Variants in CYP19A1 observed in about 807,000 individuals in gnomAD.
The protein encoded by CYP19A1 is aromatase.
CYP19A1 carries 32 observed loss-of-function variants against 44.4 expected under a neutral mutation model. That is an observed-to-expected ratio of 0.72 (90% CI 0.54 to 0.97). The LOEUF (loss-of-function observed/expected upper bound fraction) is 0.97, where lower values mean the gene tolerates loss of function less well. Among genes scored for constraint, CYP19A1 ranks in the 50% least tolerant of loss-of-function variants. The pLI, the probability that CYP19A1 is intolerant of heterozygous loss-of-function variation, is 0.00. For missense variants in CYP19A1, 598 were observed against 637.8 expected, an observed-to-expected ratio of 0.94 and a Z score of 0.67; for synonymous variants, 212 against 215.6, an observed-to-expected ratio of 0.98 and a Z score of 0.14.
chr15:51,273,326 A>T (rs2035195783), intron 1 of CYP19A1, among the ~76,000 whole-genome samples: 1 of 152,212 alleles, frequency 6.6e-6, no homozygotes, highest in Admixed American at 6.5e-5. Context: ...TGATGTGTTC[A>T]TTTTAACACT....
In CYP19A1 at chr15:51,275,652, G is replaced by A. The variant is rs567416339; in HGVS notation, c.-38-32702C>T. On this transcript the variant is annotated intron_variant, in intron 1 of 9. Coordinates refer to ENST00000396402, the MANE Select transcript of CYP19A1 (RefSeq NM_000103.4). ...GCACGTTGTAAATTGCCCAGTCCTC[G>A]TCAAGCACCTAACTCAAGAGTGACT... Among the ~76,000 whole-genome samples the A allele has an allele frequency of 3.9e-5, 6 of 152,300 alleles. No individual in the cohort carries two copies. The South Asian group carries it at 6.2e-4, about 16-fold the overall frequency.
chr15:51,254,101 A>G (rs7172156), intron 1 of CYP19A1, among the ~76,000 whole-genome samples: 93,971 of 151,954 alleles, frequency 0.62, 29,451 homozygotes, highest in East Asian at 0.68. Flanking sequence ...AGTCGACCCC[A>G]GTTTCTAATT....
At chr15:51,234,515 G>A (rs1406908871) in intron 3 of CYP19A1, among the ~76,000 whole-genome samples, 1 of 152,054 alleles carries the variant, frequency 6.6e-6, no homozygotes, top group Non-Finnish European at 1.5e-5. Flanking sequence ...GACTTTTTCT[G>A]GAGATTTAAG....
chr15:51,252,817 G>A (rs1327640638), intron 1 of CYP19A1, among the ~76,000 whole-genome samples: 3 of 152,196 alleles, frequency 2.0e-5, no homozygotes, highest in Non-Finnish European at 4.4e-5. Context: ...TAGGAATATG[G>A]GGAAATGAGG....
rs776437387 is a variant in CYP19A1 at position 51,222,471 on chromosome 15, T to C, written c.506A>G (p.Lys169Arg). The change falls in exon 5 of 10, where the codon AAA becomes AGA. Residue 169 changes from lysine (K) to arginine (R), a missense_variant. Transcript: ENST00000396402. The stretch of plus-strand genomic sequence containing the variant: ...CTCCTCCAACCTGTCCAGATGTGTT[T>C]TGAGGGATTCAGCACAGACTGTGAC... The part of the protein sequence containing the change: ...RMVTVCAESL[K>R]THLDRLEEVT... The C allele has an allele frequency of 1.7e-5, 28 of 1,613,954 alleles. No individual in the cohort carries two copies. The highest frequency in any genetic ancestry group is 2.4e-5 in the Non-Finnish European group (28 of 1,179,970).
At chr15:51,212,704 CA>C in intron 8 of CYP19A1, 143 bp from the exon 9 acceptor site, 1 of 658,146 alleles carries the variant, frequency 1.5e-6, no homozygotes, top group Non-Finnish European at 2.7e-6. Flanking sequence ...CACCAGCAAC[CA>C]GGGCCAAATA....
intron 1 of CYP19A1, among the ~76,000 whole-genome samples, chr15:51,255,155 G>C (rs1348074477): frequency 6.6e-6 from 1 of 152,148 alleles, no homozygotes; most frequent in Non-Finnish European, 1.5e-5. Flanking sequence ...CAAAGGCCCT[G>C]ATGGTGAGGG....
chr15:51,222,735 G>A (rs1054447180), intron 4 of CYP19A1, among the ~76,000 whole-genome samples: 3 of 152,068 alleles, frequency 2.0e-5, no homozygotes, highest in East Asian at 1.9e-4. Context: ...ATGAATGAAC[G>A]GAAGGAGATA....
intron 1 of CYP19A1, among the ~76,000 whole-genome samples, chr15:51,256,972 C>T (rs77573661): frequency 0.048 from 7,311 of 152,224 alleles, 587 homozygotes; most frequent in African/African-American, 0.17. Context: ...CAATTTATGC[C>T]TGTTGTCCTG....
intron 1 of CYP19A1, among the ~76,000 whole-genome samples, chr15:51,248,484 C>A (rs1004972144): frequency 1.6e-4 from 24 of 152,178 alleles, no homozygotes; most frequent in African/African-American, 5.3e-4. Context: ...AGGATGTTGT[C>A]AAAGACAATA....
chr15:51,236,754 T>C, intron 3 of CYP19A1, 105 bp downstream of exon 3: 2 of 1,360,680 alleles, frequency 1.5e-6, no homozygotes, highest in East Asian at 2.3e-5. Context: ...GGTAAAAATA[T>C]AGCGTTAGAA....
intron 1 of CYP19A1, among the ~76,000 whole-genome samples, chr15:51,290,077 G>A (rs2035807961): frequency 6.6e-6 from 1 of 152,198 alleles, no homozygotes; most frequent in South Asian, 2.1e-4. Flanking sequence ...GCCCCAGTGA[G>A]CCCTCACTTC....
intron 5 of CYP19A1, among the ~76,000 whole-genome samples, chr15:51,218,862 T>G (rs1393377516): frequency 1.3e-5 from 2 of 152,222 alleles, no homozygotes; most frequent in Non-Finnish European, 2.9e-5. Flanking sequence ...CTCCTTGCCA[T>G]CCAAATTGGC....
intron 1 of CYP19A1, among the ~76,000 whole-genome samples, chr15:51,299,980 T>C (rs143189997): frequency 3.9e-5 from 6 of 152,334 alleles, no homozygotes; most frequent in East Asian, 3.9e-4. Context: ...CTTTCATTCA[T>C]GCAGTTACAT....
intron 1 of CYP19A1, among the ~76,000 whole-genome samples, chr15:51,256,950 C>T (rs987327656): frequency 6.6e-6 from 1 of 152,162 alleles, no homozygotes; most frequent in Non-Finnish European, 1.5e-5. Context: ...GCAAGTCTGC[C>T]TAAGACTGTC....
chr15:51,218,739 A>T (rs1566873516), intron 5 of CYP19A1, 84 bp from the exon 6 acceptor site: 1 of 1,539,564 alleles, frequency 6.5e-7, no homozygotes, highest in Non-Finnish European at 8.7e-7. Flanking sequence ...AGCAGAAAAC[A>T]TTCCCTGCAG....
At chr15:51,238,557 C>T (rs974736968) in intron 2 of CYP19A1, among the ~76,000 whole-genome samples, 2 of 152,118 alleles carry the variant, frequency 1.3e-5, no homozygotes, top group African/African-American at 4.8e-5. Flanking sequence ...GACATGATCT[C>T]GGCTCACTGC....
At chr15:51,325,316 T>C (rs2036588854) in intron 1 of CYP19A1, among the ~76,000 whole-genome samples, 1 of 151,596 alleles carries the variant, frequency 6.6e-6, no homozygotes, top group East Asian at 2.0e-4. Flanking sequence ...GGTGTAGGAG[T>C]GGTGAGGACT....
intron 4 of CYP19A1, among the ~76,000 whole-genome samples, chr15:51,224,381 A>T (rs891773261): frequency 2.0e-4 from 31 of 152,220 alleles, no homozygotes; most frequent in Admixed American, 2.0e-3. Context: ...AATGTCAGAC[A>T]CCACAGTGAA....
Sources: gnomAD v4.1 joint callset for allele counts (sites outside exome capture counted in the v4.1 genomes callset) on GRCh38, gnomAD v4.1.1 for gene constraint, MANE v1.5 for transcripts, NCBI Gene and HGNC (gene_info 2026-07-23, HGNC 2026-07-21) for gene names.